ARNT: variants seen among roughly 807,000 people sequenced by gnomAD.
ARNT encodes aryl hydrocarbon receptor nuclear translocator.
Under a neutral mutation model 105.0 loss-of-function variants are expected in ARNT, and 30 were observed. That is an observed-to-expected ratio of 0.29 (90% CI 0.21 to 0.39). ARNT has a LOEUF of 0.39. ARNT is among the 10% of genes least tolerant of loss of function. ARNT has a pLI of 1.00. For missense variants in ARNT, 748 were observed against 978.7 expected, an observed-to-expected ratio of 0.76 and a Z score of 3.15; for synonymous variants, 304 against 344.0, an observed-to-expected ratio of 0.88 and a Z score of 1.29.
intron 5 of ARNT, among the ~76,000 whole-genome samples, chr1:150,840,160 G>T (rs1007061526): frequency 6.6e-6 from 1 of 152,054 alleles, no homozygotes; most frequent in African/African-American, 2.4e-5. Context: ...AGAATCACTT[G>T]AATCTGGGAG....
At chr1:150,823,732 A>G (rs1300487098) in intron 13 of ARNT, among the ~76,000 whole-genome samples, 2 of 150,572 alleles carry the variant, frequency 1.3e-5, no homozygotes, top group Non-Finnish European at 3.0e-5. Flanking sequence ...TTGTATTTTT[A>G]GTAGAGACGG....
chr1:150,859,940 G>C (rs1327890630), intron 1 of ARNT, among the ~76,000 whole-genome samples: 1 of 151,732 alleles, frequency 6.6e-6, no homozygotes, highest in East Asian at 1.9e-4. Flanking sequence ...CTGGGAAGTC[G>C]AGGCTGCAGT....
At chr1:150,816,488 T>G in intron 18 of ARNT, 82 bp from the exon 19 acceptor site, 3 of 1,445,030 alleles carry the variant, frequency 2.1e-6, no homozygotes, top group Non-Finnish European at 2.8e-6. Context: ...TCTAGTGCTA[T>G]CCCTAGATCC....
chr1:150,863,463 A>C (rs587771179), intron 1 of ARNT, among the ~76,000 whole-genome samples: 4 of 152,108 alleles, frequency 2.6e-5, no homozygotes, highest in South Asian at 2.1e-4. Flanking sequence ...AGAGGAAACT[A>C]AAGGAAATAA....
At chr1:150,868,400 A>G (rs1475733816) in intron 1 of ARNT, among the ~76,000 whole-genome samples, 1 of 152,200 alleles carries the variant, frequency 6.6e-6, no homozygotes, top group East Asian at 1.9e-4. Context: ...ATAAGCAAAA[A>G]GGACAAAGAA....
At chr1:150,849,716 CTG>C (rs1390785562) in intron 3 of ARNT, among the ~76,000 whole-genome samples, 1 of 152,118 alleles carries the variant, frequency 6.6e-6, no homozygotes, top group Non-Finnish European at 1.5e-5. Context: ...TGAGCCGAGA[CTG>C]TGCCACTGCA....
At chr1:150,815,213 A>G (rs750685316) in intron 19 of ARNT, among the ~76,000 whole-genome samples, 31 of 152,050 alleles carry the variant, frequency 2.0e-4, no homozygotes, top group Non-Finnish European at 3.1e-4. Flanking sequence ...TTCTTTAGAC[A>G]GTGTATTTAT....
At chr1:150,828,867 C>T (rs1658803395) in intron 12 of ARNT, among the ~76,000 whole-genome samples, 1 of 152,150 alleles carries the variant, frequency 6.6e-6, no homozygotes, top group Admixed American at 6.5e-5. Context: ...AAAATAAATA[C>T]ATATTTGTAC....
chr1:150,843,944 C>G (rs1242507327), intron 4 of ARNT, among the ~76,000 whole-genome samples: 1 of 152,198 alleles, frequency 6.6e-6, no homozygotes, highest in African/African-American at 2.4e-5. Flanking sequence ...ACTACTACTA[C>G]TACTACAGAT....
At chr1:150,839,700 T>C (rs1298775220) in intron 5 of ARNT, 46 bp from the exon 6 acceptor site, 1 of 1,558,834 alleles carries the variant, frequency 6.4e-7, no homozygotes, top group Admixed American at 1.8e-5. Flanking sequence ...TCACATCTGG[T>C]CATTTGGTAG....
At chr1:150,871,043 C>T (rs1054233164) in intron 1 of ARNT, among the ~76,000 whole-genome samples, 3 of 151,698 alleles carry the variant, frequency 2.0e-5, no homozygotes, top group African/African-American at 2.4e-5. Context: ...AATACATTGA[C>T]GAAATTATGA....
At chr1:150,833,491 C>A (rs963818840) in intron 8 of ARNT, among the ~76,000 whole-genome samples, 4 of 151,894 alleles carry the variant, frequency 2.6e-5, no homozygotes, top group African/African-American at 9.7e-5. Context: ...GACTCTGTCT[C>A]AAAAAAATAA....
rs587728018 is a variant in ARNT at position 150,854,890 on chromosome 1, G to A, written c.138-2084C>T. Among the ~76,000 whole-genome samples, 4 of 146,608 alleles carry A rather than the reference G, an allele frequency of 2.7e-5. No homozygotes were observed. The East Asian group carries it at 6.0e-4, about 22-fold the overall frequency. Reference sequence around the variant, plus strand: ...AAAAAAAAAAAAAGGGAAGGGGAAAGAGAGGGAAGGAGGGAGGGAAAGGTA... The same window carrying A: ...AAAAAAAAAAAAAGGGAAGGGGAAAAAGAGGGAAGGAGGGAGGGAAAGGTA... On this transcript the variant is annotated intron_variant, in intron 2 of 21. Transcript: ENST00000358595.
chr1:150,847,620 CT>C (rs1248446691), intron 3 of ARNT, among the ~76,000 whole-genome samples: 1 of 152,028 alleles, frequency 6.6e-6, no homozygotes, highest in Admixed American at 6.6e-5. Context: ...AGGGTTAGAG[CT>C]AATTCACGGG....
intron 4 of ARNT, among the ~76,000 whole-genome samples, chr1:150,843,592 T>TTA (rs1347147965): frequency 3.3e-5 from 5 of 152,192 alleles, no homozygotes; most frequent in Non-Finnish European, 7.4e-5. Context: ...ATTCAGCAGT[T>TTA]TAGAGTTTTA....
chr1:150,821,486 G>C (rs945790144), intron 14 of ARNT, among the ~76,000 whole-genome samples: 3 of 152,154 alleles, frequency 2.0e-5, no homozygotes, highest in Non-Finnish European at 4.4e-5. Flanking sequence ...GGCAACAATT[G>C]AGCAATAGGT....
At chr1:150,866,272 C>G (rs1031519264) in intron 1 of ARNT, among the ~76,000 whole-genome samples, 6 of 42,962 alleles carry the variant, frequency 1.4e-4, no homozygotes, top group Non-Finnish European at 4.1e-4. Context: ...CGTGAGCCAC[C>G]AAGGTCAGTC....
intron 1 of ARNT, among the ~76,000 whole-genome samples, chr1:150,872,957 C>G (rs1667685404): frequency 6.6e-6 from 1 of 151,602 alleles, no homozygotes. Context: ...GCAAGACCCT[C>G]TCCTATGGGG....
Position 150,809,822 on chromosome 1 carries a change from G to A in ARNT, c.*2199C>T, listed in dbSNP as rs896553382. 3 of 221,262 alleles carry A rather than the reference G, an allele frequency of 1.4e-5. No individual in the cohort carries two copies. Among genetic ancestry groups the A allele is most frequent in the Admixed American group, 1.2e-4 (2 of 17,354 alleles). 13.7% of individuals were successfully genotyped at this position (221,262 alleles called of 1,614,324 possible). A position where few individuals can be genotyped will look rare whatever the true frequency, so the allele number is the denominator to read the frequency against. On this transcript the variant is annotated 3_prime_UTR_variant, in exon 22 of 22. Transcript: ENST00000358595. ...TCTTCCCCTCTCTCCCAAGAACCCA[G>A]GCAACGCCCACCCCAAAACCCCCAC...
Sources: allele counts gnomAD v4.1 joint callset (sites outside exome capture counted in the v4.1 genomes callset), GRCh38; gene constraint gnomAD v4.1.1; transcripts MANE v1.5; gene names NCBI Gene and HGNC (gene_info 2026-07-23, HGNC 2026-07-21).